Variants in FCRL6 observed in about 807,000 individuals in gnomAD.
The protein encoded by FCRL6 is Fc receptor like 6.
A neutral mutation model predicts 49.1 loss-of-function variants in FCRL6; 50 were observed. That is an observed-to-expected ratio of 1.02 (90% CI 0.81 to 1.29). The LOEUF is 1.29. FCRL6 is among the 50% of genes most tolerant of loss of function. The probability of loss-of-function intolerance (pLI) is 0.00; values close to 1 mark genes in which losing one functional copy is unlikely to be tolerated. For synonymous variants in FCRL6, 213 were observed against 199.6 expected (o/e 1.07, Z -0.57); for missense variants, 571 against 518.5 (o/e 1.10, Z -0.98).
upstream of FCRL6, among the ~76,000 whole-genome samples, chr1:159,801,380 A>G (rs755398686): frequency 1.3e-5 from 2 of 152,208 alleles, no homozygotes; most frequent in Non-Finnish European, 2.9e-5. Context: ...GTGGTGTACA[A>G]GAGTTCTAGT....
chr1:159,803,738 G>A (rs1036532704), intron 1 of FCRL6, among the ~76,000 whole-genome samples: 5 of 152,198 alleles, frequency 3.3e-5, no homozygotes, highest in Non-Finnish European at 5.9e-5. Context: ...AGGAGAGGAA[G>A]GGAATCAGTG....
chr1:159,814,374 TACC>T, intron 8 of FCRL6, 82 bp downstream of exon 8: 1 of 964,592 alleles, frequency 1.0e-6, no homozygotes, highest in South Asian at 1.3e-5. Flanking sequence ...CCACTGTCAT[TACC>T]ACTTTTATCA....
chr1:159,811,906 C>G (rs1385689218), intron 6 of FCRL6, among the ~76,000 whole-genome samples: 1 of 152,210 alleles, frequency 6.6e-6, no homozygotes, highest in African/African-American at 2.4e-5. Context: ...TGTCCACTCA[C>G]CTCTGAGTCA....
In FCRL6 at chr1:159,802,449, C is replaced by T. The variant is rs1662397422; in HGVS notation, c.25C>T (p.Leu9Phe). 2.5e-6 allele frequency: 4 copies of T among 1,613,748 alleles called. No homozygotes were observed. Among genetic ancestry groups the T allele is most frequent in the South Asian group, 1.1e-5 (1 of 90,980 alleles). Residue 9 changes from leucine to phenylalanine, a missense_variant, in exon 1 of 10, where the codon CTC (leucine) becomes TTC (phenylalanine). By Grantham distance (22) the Leu-to-Phe change is conservative. Coordinates refer to ENST00000368106, the MANE Select transcript of FCRL6 (RefSeq NM_001004310.3). MLLWTAVL[L>F]FVPCVGKTVW... ...CATGCTGCTCTGGACGGCTGTGCTG[C>T]TCTTTGGTAAGTCAACGAGCATGGG... is the stretch of plus-strand genomic sequence containing the variant.
At position 159,805,293 on chromosome 1, in the gene FCRL6, A is replaced by C. The variant is rs1447581979; in HGVS notation, c.32-1303A>C. Among the ~76,000 whole-genome samples the C allele has an allele frequency of 2.0e-5, 3 of 152,174 alleles. No individual in the cohort carries two copies. The East Asian group carries it at 5.8e-4, about 29-fold the overall frequency. ...CAAAGTAGTGTAGAAAGCAAAGATGATACCATGTGACAGAGCCAAACATCT... is the reference window on the plus strand; with the variant it reads ...CAAAGTAGTGTAGAAAGCAAAGATGCTACCATGTGACAGAGCCAAACATCT... On this transcript the variant is annotated intron_variant, in intron 1 of 9. Transcript: ENST00000368106.
intron 6 of FCRL6, among the ~76,000 whole-genome samples, chr1:159,812,344 C>G (rs1250355215): frequency 6.6e-6 from 1 of 152,216 alleles, no homozygotes; most frequent in Admixed American, 6.5e-5. Context: ...CATAGCTGTT[C>G]TTCAGCAAAC....
intron 5 of FCRL6, 93 bp downstream of exon 5, chr1:159,809,776 G>A: frequency 1.8e-6 from 2 of 1,133,176 alleles, no homozygotes; most frequent in East Asian, 2.4e-5. Flanking sequence ...GACTGGCACA[G>A]TGCTGGACTC....
chr1:159,806,617 G>T lies in FCRL6; in HGVS notation c.52+1G>T. On this transcript the variant is annotated splice_donor_variant, in intron 2 of 9. Coordinates refer to ENST00000368106, the MANE Select transcript of FCRL6 (RefSeq NM_001004310.3). LOFTEE classifies it high-confidence loss of function. Reference sequence around the variant, plus strand: ...GCAGTTCCCTGTGTTGGGAAAACTGGTAAGTTGTGTCCATGTCTCTTCTAA... The same window carrying T: ...GCAGTTCCCTGTGTTGGGAAAACTGTTAAGTTGTGTCCATGTCTCTTCTAA... 6.2e-7 allele frequency: 1 copy of T among 1,613,820 alleles called. No individual in the cohort carries two copies. The highest frequency in any genetic ancestry group is 8.5e-7 in the Non-Finnish European group (1 of 1,179,642).
At chr1:159,811,427 C>G (rs983630477) in intron 6 of FCRL6, among the ~76,000 whole-genome samples, 1 of 152,220 alleles carries the variant, frequency 6.6e-6, no homozygotes, top group African/African-American at 2.4e-5. Flanking sequence ...AAGTTTGCAG[C>G]TCCCTCTGTT....
At chr1:159,811,049 G>A (rs1473733553) in intron 6 of FCRL6, among the ~76,000 whole-genome samples, 1 of 152,166 alleles carries the variant, frequency 6.6e-6, no homozygotes, top group African/African-American at 2.4e-5. Flanking sequence ...AAATAAAAAG[G>A]TTGGTTAAAA....
Position 159,809,138 on chromosome 1 carries a change from G to A in FCRL6, c.497G>A (p.Cys166Tyr), listed in dbSNP as rs748089408. Reference protein sequence around the residue: ...LQDRGPHPELCIPGAKEGDSG... With the variant: ...LQDRGPHPELYIPGAKEGDSG... ...GACAGGGGCCCTCACCCAGAACTCTGCATCCCGGGAGCCAAGGAGGGAGAC... is the reference window on the plus strand; with the variant it reads ...GACAGGGGCCCTCACCCAGAACTCTACATCCCGGGAGCCAAGGAGGGAGAC... The change falls in exon 4 of 10, where the codon TGC (cysteine) becomes TAC (tyrosine). Residue 166 changes from cysteine (C) to tyrosine (Y), a missense_variant. Physicochemically the swap from Cys to Tyr is radical, Grantham distance 194. Transcript: ENST00000368106. 1 of 1,614,040 alleles carries A rather than the reference G, an allele frequency of 6.2e-7. No homozygotes were observed. The highest frequency in any genetic ancestry group is 8.5e-7 in the Non-Finnish European group (1 of 1,179,936).
chr1:159,815,450 G>A lies in FCRL6; in HGVS notation c.1170G>A (p.Val390=), dbSNP rs773087135. 7 of 1,614,024 alleles carry A rather than the reference G, an allele frequency of 4.3e-6. No individual in the cohort carries two copies. The highest frequency in any genetic ancestry group is 5.9e-6 in the Non-Finnish European group (7 of 1,179,940). The part of the protein sequence containing the change: ...RSEARSAEFT[V]GRKDSSIICA... ...CAGCCAGGTCTGCTGAGTTCACCGT[G>A]GGGAGAAAGGTGAGCTGGGATCCCT... The change falls in exon 9 of 10, where the codon GTG becomes GTA. Residue 390 remains valine (V), a synonymous_variant. Transcript: ENST00000368106.
intron 1 of FCRL6, 96 bp from the exon 2 acceptor site, chr1:159,806,500 A>C (rs1047253200): frequency 2.0e-4 from 218 of 1,100,380 alleles, no homozygotes; most frequent in Middle Eastern, 1.2e-3. Context: ...TGGTTGGTTG[A>C]ATGGGTGTAA....
intron 2 of FCRL6, 122 bp from the exon 3 acceptor site, chr1:159,808,056 C>A: frequency 1.9e-6 from 2 of 1,068,152 alleles, no homozygotes; most frequent in Non-Finnish European, 2.8e-6. Context: ...GACAGTGACA[C>A]CATACCAGTG....
At chr1:159,812,792 A>G (rs1466039232) in intron 6 of FCRL6, among the ~76,000 whole-genome samples, 4 of 152,238 alleles carry the variant, frequency 2.6e-5, no homozygotes, top group Non-Finnish European at 4.4e-5. Flanking sequence ...GGCACCAGGC[A>G]TGAACCAAGT....
At chr1:159,803,494 A>G (rs1490136241) in intron 1 of FCRL6, among the ~76,000 whole-genome samples, 1 of 152,168 alleles carries the variant, frequency 6.6e-6, no homozygotes. Flanking sequence ...CCAGCATAGC[A>G]TGCTACTCGT....
intron 1 of FCRL6, among the ~76,000 whole-genome samples, chr1:159,805,384 A>G (rs1174611376): frequency 6.6e-6 from 1 of 151,974 alleles, no homozygotes; most frequent in African/African-American, 2.4e-5. Context: ...GGTGTTATGT[A>G]AAATACCTAG....
In FCRL6 at chr1:159,810,207, A is replaced by G. The variant is rs758180762; in HGVS notation, c.1000A>G (p.Arg334Gly). The G allele has an allele frequency of 1.4e-5, 22 of 1,612,328 alleles. No homozygotes were observed. The highest frequency in any genetic ancestry group is 1.9e-5 in the Non-Finnish European group (22 of 1,179,250). ...AALLVYVRSWRKAGPLPSQIP... is the reference protein window; with the variant it reads ...AALLVYVRSWGKAGPLPSQIP... ...ACTTCTGGTTTATGTGAGATCCTGG[A>G]GAAAAGCTGGTCAGTAACTCCTCTT... Residue 334 changes from arginine (R) to glycine (G), a missense_variant, in exon 6 of 10, where the codon AGA (arginine) becomes GGA (glycine). By Grantham distance (125) the Arg-to-Gly change is moderately radical. Coordinates refer to ENST00000368106, the MANE Select transcript of FCRL6 (RefSeq NM_001004310.3).
chr1:159,808,548 C>A, intron 3 of FCRL6, 104 bp downstream of exon 3: 2 of 1,425,622 alleles, frequency 1.4e-6, no homozygotes, highest in Admixed American at 1.8e-5. Flanking sequence ...TCTGGCTGCC[C>A]CTCATGCTGG....
Sources: allele counts gnomAD v4.1 joint callset (sites outside exome capture counted in the v4.1 genomes callset), GRCh38; gene constraint gnomAD v4.1.1; transcripts MANE v1.5; gene names NCBI Gene and HGNC (gene_info 2026-07-23, HGNC 2026-07-21).